Variants in RPL39L observed in about 807,000 individuals in gnomAD.
RPL39L encodes ribosomal protein L39 like.
For synonymous variants in RPL39L, 16 were observed against 20.1 expected, an observed-to-expected ratio of 0.80 and a Z score of 0.55; for missense variants, 48 against 58.9, an observed-to-expected ratio of 0.81 and a Z score of 0.61.
At chr3:187,133,867 C>T (rs1720527224) in intron 1 of RPL39L, among the ~76,000 whole-genome samples, 1 of 152,142 alleles carries the variant, frequency 6.6e-6, no homozygotes, top group Non-Finnish European at 1.5e-5. Context: ...AGCTTAACTA[C>T]TGAGTAAGCT....
intron 1 of RPL39L, among the ~76,000 whole-genome samples, chr3:187,138,208 G>A (rs1720618460): frequency 6.6e-6 from 1 of 152,200 alleles, no homozygotes; most frequent in African/African-American, 2.4e-5. Context: ...GCCAGGCCCA[G>A]TGCAAAATGA....
At chr3:187,138,804 A>T (rs1720632914) in intron 1 of RPL39L, among the ~76,000 whole-genome samples, 1 of 152,180 alleles carries the variant, frequency 6.6e-6, no homozygotes. Flanking sequence ...TCACGCCTGT[A>T]ATCCCAGCAC....
intron 1 of RPL39L, among the ~76,000 whole-genome samples, chr3:187,133,795 G>C (rs1412591257): frequency 6.6e-6 from 1 of 152,114 alleles, no homozygotes; most frequent in Non-Finnish European, 1.5e-5. Flanking sequence ...TAAGCAAAAG[G>C]TAATATTAGA....
chr3:187,125,795 C>T (rs1174847369), intron 2 of RPL39L, among the ~76,000 whole-genome samples: 1 of 151,858 alleles, frequency 6.6e-6, no homozygotes, highest in Non-Finnish European at 1.5e-5. Context: ...GCAATACTTG[C>T]TTCTTTTTGT....
At chr3:187,136,007 G>A (rs1720573224) in intron 1 of RPL39L, among the ~76,000 whole-genome samples, 1 of 152,194 alleles carries the variant, frequency 6.6e-6, no homozygotes, top group South Asian at 2.1e-4. Context: ...TAGGAGGACT[G>A]GATTAGGACT....
At chr3:187,134,539 G>A (rs886967326) in intron 1 of RPL39L, among the ~76,000 whole-genome samples, 1 of 148,960 alleles carries the variant, frequency 6.7e-6, no homozygotes, top group Non-Finnish European at 1.5e-5. Flanking sequence ...ATGAAAAAGG[G>A]GACAATGCTA....
At chr3:187,135,910 G>C (rs1410436114) in intron 1 of RPL39L, among the ~76,000 whole-genome samples, 1 of 152,260 alleles carries the variant, frequency 6.6e-6, no homozygotes, top group Non-Finnish European at 1.5e-5. Context: ...GCGAGAGACA[G>C]AGCAAGAGAG....
chr3:187,132,122 C>A (rs551069449), intron 1 of RPL39L, among the ~76,000 whole-genome samples: 4 of 152,234 alleles, frequency 2.6e-5, no homozygotes, highest in Admixed American at 2.0e-4. Flanking sequence ...ACTCCTGGTT[C>A]CCACAATATC....
intron 1 of RPL39L, among the ~76,000 whole-genome samples, chr3:187,131,621 T>C (rs1212030406): frequency 2.0e-5 from 3 of 152,214 alleles, no homozygotes; most frequent in African/African-American, 7.2e-5. Flanking sequence ...CACCACTAGC[T>C]GTTAGTGTGA....
At chr3:187,128,328 T>C (rs547513660) in intron 1 of RPL39L, among the ~76,000 whole-genome samples, 2 of 152,308 alleles carry the variant, frequency 1.3e-5, no homozygotes, top group Admixed American at 6.5e-5. Context: ...ATGTGGGATG[T>C]GTACACCTGT....
intron 1 of RPL39L, among the ~76,000 whole-genome samples, chr3:187,135,592 C>A (rs187240912): frequency 1.3e-5 from 2 of 152,342 alleles, no homozygotes; most frequent in East Asian, 3.9e-4. Context: ...TTGTAAATTG[C>A]CCAGTCTCGG....
intron 2 of RPL39L, among the ~76,000 whole-genome samples, chr3:187,127,753 C>G (rs1034846388): frequency 6.6e-6 from 1 of 152,084 alleles, no homozygotes; most frequent in African/African-American, 2.4e-5. Context: ...CTTTAGTTTG[C>G]AATGTAATTT....
At chr3:187,129,484 G>GCTC (rs1379051234) in intron 1 of RPL39L, among the ~76,000 whole-genome samples, 3 of 152,134 alleles carry the variant, frequency 2.0e-5, no homozygotes, top group African/African-American at 4.8e-5. Flanking sequence ...GGAGAGCAGT[G>GCTC]CTCCTCCTCC....
intron 2 of RPL39L, among the ~76,000 whole-genome samples, chr3:187,123,090 G>T (rs1378568277): frequency 6.6e-6 from 1 of 152,170 alleles, no homozygotes; most frequent in Admixed American, 6.5e-5. Context: ...TATACTGTCT[G>T]CCTTTCAACC....
At chr3:187,136,022 C>T (rs1720573442) in intron 1 of RPL39L, among the ~76,000 whole-genome samples, 1 of 152,210 alleles carries the variant, frequency 6.6e-6, no homozygotes, top group Admixed American at 6.5e-5. Context: ...AGGACTGCAT[C>T]CAGTACACAC....
At chr3:187,124,883 T>G (rs1271221757) in intron 2 of RPL39L, among the ~76,000 whole-genome samples, 1 of 152,202 alleles carries the variant, frequency 6.6e-6, no homozygotes, top group African/African-American at 2.4e-5. Flanking sequence ...AAATTCTTAT[T>G]AGGCTCAGAA....
intron 1 of RPL39L, among the ~76,000 whole-genome samples, chr3:187,133,503 G>A (rs1720521244): frequency 6.6e-6 from 1 of 152,070 alleles, no homozygotes; most frequent in African/African-American, 2.4e-5. Context: ...CCAGTCTTGG[G>A]TAGCTCTTTA....
intron 2 of RPL39L, among the ~76,000 whole-genome samples, chr3:187,126,514 T>C (rs1720401882): frequency 6.6e-6 from 1 of 152,184 alleles, no homozygotes; most frequent in African/African-American, 2.4e-5. Context: ...TGAAAAATAC[T>C]GTGCTTTATT....
At chr3:187,134,990 G>A (rs189109437) in intron 1 of RPL39L, among the ~76,000 whole-genome samples, 2 of 152,258 alleles carry the variant, frequency 1.3e-5, no homozygotes, top group Non-Finnish European at 2.9e-5. Context: ...CATGTTGGGT[G>A]AAAGGGAAGC....
Sources: allele counts gnomAD v4.1 joint callset (sites outside exome capture counted in the v4.1 genomes callset), GRCh38; gene constraint gnomAD v4.1.1; transcripts MANE v1.5; gene names NCBI Gene and HGNC (gene_info 2026-07-23, HGNC 2026-07-21).